The following FN1 variants were observed in gnomAD, a reference collection of about 807,000 sequenced individuals.
FN1 encodes fibronectin 1.
Under a neutral mutation model 297.3 loss-of-function variants are expected in FN1, and 106 were observed. The ratio of observed to expected loss-of-function variants is 0.36; its 90% confidence interval spans 0.30 to 0.42. The LOEUF (loss-of-function observed/expected upper bound fraction) is 0.42. Among genes scored for constraint, FN1 ranks in the 10% least tolerant of loss-of-function variants. The pLI, the probability that FN1 is intolerant of heterozygous loss-of-function variation, is 1.00. For missense variants in FN1, 2,690 were observed against 3,124.9 expected (o/e 0.86, Z 3.32); for synonymous variants, 1,149 against 1,152.6 (o/e 1.00, Z 0.06).
chr2:215,365,964 C>T (rs1372449187), intron 42 of FN1, among the ~76,000 whole-genome samples: 30 of 95,992 alleles, frequency 3.1e-4, no homozygotes, highest in Non-Finnish European at 4.7e-4. Context: ...CCCCACAGTG[C>T]TATTTTTTTT....
Position 215,420,693 on chromosome 2 carries a change from C to T in FN1, c.1655G>A (p.Arg552Lys), listed in dbSNP as rs766860312. 46 of 1,614,082 alleles carry T rather than the reference C, an allele frequency of 2.8e-5. No individual in the cohort carries two copies. The highest frequency in any genetic ancestry group is 1.1e-4 in the African/African-American group (8 of 74,938). Residue 552 changes from arginine to lysine, a missense_variant, in exon 11 of 46, where the codon AGG becomes AAG. Coordinates refer to ENST00000354785, the MANE Select transcript of FN1 (RefSeq NM_212482.4). Reference sequence around the variant, plus strand: ...CTCACCGACGGGATCACACTTCCACCTGCCCCGACCCTGACCGAAGCATGT... The same window carrying T: ...CTCACCGACGGGATCACACTTCCACTTGCCCCGACCCTGACCGAAGCATGT... The part of the protein sequence containing the change: ...NCTCFGQGRG[R>K]WKCDPVDQCQ...
intron 35 of FN1, 94 bp from the exon 36 acceptor site, chr2:215,376,768 C>T (rs758145643): frequency 1.6e-4 from 175 of 1,078,744 alleles, no homozygotes; most frequent in Non-Finnish European, 2.3e-4. Context: ...ATATCAAATT[C>T]ATCCATTTCA....
In FN1 at chr2:215,382,315, T is replaced by C; in HGVS notation, c.5061A>G (p.Glu1687=). The C allele has an allele frequency of 6.2e-7, 1 of 1,609,818 alleles. No homozygotes were observed. Among genetic ancestry groups the C allele is most frequent in the South Asian group, 1.1e-5 (1 of 90,980 alleles). Residue 1687 remains glutamate, a synonymous_variant, in exon 32 of 46, where the codon GAA becomes GAG. Coordinates refer to ENST00000354785, the MANE Select transcript of FN1 (RefSeq NM_212482.4). The stretch of plus-strand genomic sequence containing the variant: ...TGGGCTGCAAGCCTTCAATAGTCAT[T>C]TCTGTTTGATCTGCAAAGGGAGTGA... ...KTKTAGPDQT[E]MTIEGLQPTV... is the part of the protein sequence containing the mutation.
intron 6 of FN1, among the ~76,000 whole-genome samples, chr2:215,426,206 T>C (rs1196149118): frequency 2.1e-5 from 3 of 140,128 alleles, no homozygotes; most frequent in African/African-American, 7.9e-5. Context: ...TGGAGTGCAG[T>C]GGCGCAATCT....
intron 40 of FN1, 47 bp from the exon 41 acceptor site, chr2:215,370,479 G>C (rs566231442): frequency 2.1e-5 from 32 of 1,522,110 alleles, no homozygotes; most frequent in Non-Finnish European, 2.9e-5. Context: ...ATTATAGTGA[G>C]GAATGACACG....
In FN1 at chr2:215,420,819, G is replaced by A; in HGVS notation, c.1547-18C>T. 1.2e-6 allele frequency: 2 copies of A among 1,612,756 alleles called. No individual in the cohort carries two copies. Among genetic ancestry groups the A allele is most frequent in the East Asian group, 2.2e-5 (1 of 44,876 alleles). On this transcript the variant is annotated intron_variant, in intron 10 of 45. Transcript: ENST00000354785. ...GCACTGATCTGTTTAGGAAACAGGTGGGTGAGTGAGAAACTTTTTAAAGTT... is the reference window on the plus strand; with the variant it reads ...GCACTGATCTGTTTAGGAAACAGGTAGGTGAGTGAGAAACTTTTTAAAGTT...
At chr2:215,409,303 T>G (rs1047558376) in intron 15 of FN1, among the ~76,000 whole-genome samples, 1 of 151,998 alleles carries the variant, frequency 6.6e-6, no homozygotes, top group Admixed American at 6.5e-5. Flanking sequence ...GCTTTTGCTG[T>G]AGGAACTTGT....
At chr2:215,416,285 T>C (rs1480649885) in intron 12 of FN1, among the ~76,000 whole-genome samples, 1 of 152,200 alleles carries the variant, frequency 6.6e-6, no homozygotes, top group Non-Finnish European at 1.5e-5. Context: ...CCAAGCCACA[T>C]GAACACCAAA....
Position 215,362,034 on chromosome 2 carries a change from G to C in FN1, c.7297C>G (p.Pro2433Ala). ...NCRRPGGEPS[P>A]EGTTGQSYNQ... ...TAGGACTGGCCAGTAGTGCCTTCGGGACTGGGTTCACCCCCAGGTCTGCGG... is the reference window on the plus strand; with the variant it reads ...TAGGACTGGCCAGTAGTGCCTTCGGCACTGGGTTCACCCCCAGGTCTGCGG... The change falls in exon 45 of 46, where the codon CCC becomes GCC. Residue 2433 changes from proline to alanine, a missense_variant. By Grantham distance (27) the Pro-to-Ala change is conservative. This residue lies in a region of FN1 where 1,743 missense variants were observed against 1,945.2 expected (regional missense o/e 0.90). Transcript: ENST00000354785. 6.2e-7 allele frequency: 1 copy of C among 1,614,110 alleles called. No homozygotes were observed. The highest frequency in any genetic ancestry group is 1.1e-5 in the South Asian group (1 of 91,074).
Position 215,361,378 on chromosome 2 carries a change from A to G in FN1, c.*177T>C, listed in dbSNP as rs1010890142. 4.4e-6 allele frequency: 3 copies of G among 686,366 alleles called. No individual in the cohort carries two copies. Among genetic ancestry groups the G allele is most frequent in the African/African-American group, 3.6e-5 (2 of 56,222 alleles). The allele number at this position is 686,366 out of a possible 1,614,324, so 42.5% of individuals were successfully genotyped here. A position where few individuals can be genotyped will look rare whatever the true frequency, so the allele number is the denominator to read the frequency against. Reference sequence around the variant, plus strand: ...CCTCATTTATGAGAAAACCCTCAGGAAACTCCCAGGGTGATGCTTGGAGAA... The same window carrying G: ...CCTCATTTATGAGAAAACCCTCAGGGAACTCCCAGGGTGATGCTTGGAGAA... On this transcript the variant is annotated 3_prime_UTR_variant, in exon 46 of 46. Transcript: ENST00000354785.
intron 6 of FN1, among the ~76,000 whole-genome samples, chr2:215,425,755 C>T (rs1402737392): frequency 3.3e-5 from 5 of 150,290 alleles, no homozygotes; most frequent in Admixed American, 1.3e-4. Context: ...CGGGGTTTTG[C>T]CATGTTGGCA....
At chr2:215,398,229 T>C in intron 21 of FN1, among the ~76,000 whole-genome samples, 1 of 152,348 alleles carries the variant, frequency 6.6e-6, no homozygotes, top group East Asian at 1.9e-4. Context: ...TAACGAGTTA[T>C]TCACATTCAA....
chr2:215,423,180 T>TCACACACACACACACA (rs9288509), intron 9 of FN1, among the ~76,000 whole-genome samples, 170 bp downstream of exon 9: 44 of 148,872 alleles, frequency 3.0e-4, no homozygotes, highest in African/African-American at 1.0e-3. Flanking sequence ...TGATGTAACA[T>TCACACACACACACACA]CACACACACA....
Position 215,399,270 on chromosome 2 carries a change from C to G in FN1, c.3335G>C (p.Arg1112Thr). The G allele has an allele frequency of 6.2e-7, 1 of 1,613,304 alleles. No individual in the cohort carries two copies. Among genetic ancestry groups the G allele is most frequent in the Non-Finnish European group, 8.5e-7 (1 of 1,179,262 alleles). ...TIVITWTPAP[R>T]IGFKLGVRPS... ...TCTGCAGTTTACCTTAAAACCAATT[C>G]TTGGAGCAGGCGTCCATGTGATCAC... Residue 1112 changes from arginine to threonine, a missense_variant, in exon 21 of 46, where the codon AGA (arginine) becomes ACA (threonine). Arg to Thr is a moderately conservative substitution (Grantham distance 71, BLOSUM62 -1). Coordinates refer to ENST00000354785, the MANE Select transcript of FN1 (RefSeq NM_212482.4).
chr2:215,414,938 C>T lies in FN1; in HGVS notation c.1840G>A (p.Val614Ile), dbSNP rs2063228222. The change falls in exon 13 of 46, where the codon GTA (valine) becomes ATA (isoleucine). Residue 614 changes from valine to isoleucine, a missense_variant. Physicochemically the swap from Val to Ile is conservative, Grantham distance 29. Around this residue, in one of 3 missense-constraint regions of FN1, gnomAD observed 876 missense variants for 1,058.1 expected, o/e 0.83. Transcript: ENST00000354785. ...TYPSSSGPVE[V>I]FITETPSQPN... ...TGACTCGGAGTCTCAGTGATAAATA[C>T]TTCGACAGGACCACTTGAGCCTGAA... 3 of 1,613,762 alleles carry T rather than the reference C, an allele frequency of 1.9e-6. No individual in the cohort carries two copies. The highest frequency in any genetic ancestry group is 2.5e-6 in the Non-Finnish European group (3 of 1,179,776).
chr2:215,370,161 A>G (rs1034700399), intron 41 of FN1, 133 bp downstream of exon 41: 47 of 881,160 alleles, frequency 5.3e-5, no homozygotes, highest in South Asian at 4.4e-4. Context: ...TTGCTCATTT[A>G]TTTCATGTTG....
rs989274073 is a variant in FN1, at chr2:215,408,341, C to T, written c.2385G>A (p.Glu795=). Residue 795 remains glutamate (E), a synonymous_variant, in exon 16 of 46, where the codon GAG becomes GAA. Transcript: ENST00000354785. The part of the protein sequence containing the change: ...KYIVNVYQIS[E]DGEQSLILST... ...ACAGGATCAAACTCTGCTCCCCATC[C>T]TCAGATATCTGATAGACATTTACAA... 3 of 1,613,980 alleles carry T rather than the reference C, an allele frequency of 1.9e-6. No individual in the cohort carries two copies. Among genetic ancestry groups the T allele is most frequent in the Non-Finnish European group, 2.5e-6 (3 of 1,179,984 alleles).
chr2:215,411,212 C>CA lies in FN1; in HGVS notation c.1942-1099dup, dbSNP rs772637046. Among the ~76,000 whole-genome samples, 19 of 152,252 alleles carry CA rather than the reference C, an allele frequency of 1.2e-4. No homozygotes were observed. The South Asian group carries it at 2.3e-3, about 18-fold the overall frequency. ...AGCTTCATTAATATGCCATGGGTCA[C>CA]AAAACTCAGTGCAATAAAATGTGTA... On this transcript the variant is annotated intron_variant, in intron 13 of 45. Transcript: ENST00000354785.
chr2:215,435,545 C>A lies in FN1; in HGVS notation c.148+110G>T, dbSNP rs899900616. 4.0e-6 allele frequency: 6 copies of A among 1,486,534 alleles called. No individual in the cohort carries two copies. In the African/African-American group the frequency reaches 5.5e-5, roughly 14 times the overall value. 92.1% of individuals were successfully genotyped at this position (1,486,534 alleles called of 1,614,324 possible). On this transcript the variant is annotated intron_variant, in intron 1 of 45. Transcript: ENST00000354785. ...GCACAGCTGGTTTCTCTCAGTAAAG[C>A]GCGCACACACTCGCACACACGCGCG...
Sources: gnomAD v4.1 joint callset for allele counts (sites outside exome capture counted in the v4.1 genomes callset) on GRCh38, gnomAD v4.1.1 for gene constraint, gnomAD v4.1.1 regional missense constraint, MANE v1.5 for transcripts, NCBI Gene and HGNC (gene_info 2026-07-23, HGNC 2026-07-21) for gene names.